Variants in COLGALT2 observed in about 807,000 individuals in gnomAD.
COLGALT2 encodes procollagen galactosyltransferase 2.
Under a neutral mutation model 73.4 loss-of-function variants are expected in COLGALT2, and 49 were observed. The observed-to-expected ratio is 0.67, with a 90% CI of 0.53 to 0.85. The LOEUF is 0.85. Among genes scored for constraint, COLGALT2 ranks in the 40% least tolerant of loss-of-function variants. The pLI is 0.00. For synonymous variants in COLGALT2, 295 were observed against 307.6 expected (o/e 0.96, Z 0.43); for missense variants, 722 against 790.2 (o/e 0.91, Z 1.03).
At chr1:184,018,366 G>A (rs1220614411) in intron 1 of COLGALT2, among the ~76,000 whole-genome samples, 1 of 152,020 alleles carries the variant, frequency 6.6e-6, no homozygotes, top group Non-Finnish European at 1.5e-5. Context: ...GTTGGGGTGG[G>A]GTAGGTGATT....
rs1333282147 is a variant in COLGALT2, at chr1:183,969,191, A to G, written c.832+78T>C. 3.8e-6 allele frequency: 4 copies of G among 1,054,610 alleles called. No individual in the cohort carries two copies. The African/African-American group carries it at 7.3e-5, about 19-fold the overall frequency. The allele number at this position is 1,054,610 out of a possible 1,614,324, so 65.3% of individuals were successfully genotyped here. A position where few individuals can be genotyped will look rare whatever the true frequency, so the allele number is the denominator to read the frequency against. On this transcript the variant is annotated intron_variant, in intron 5 of 11. Coordinates refer to ENST00000361927, the MANE Select transcript of COLGALT2 (RefSeq NM_015101.4). ...CAGACATATGAGGGTTTTTTTTTTT[A>G]ATAAAATGCACAAAACAAAGGAGCT...
intron 1 of COLGALT2, among the ~76,000 whole-genome samples, chr1:184,011,994 A>G (rs1432722464): frequency 6.6e-6 from 1 of 152,212 alleles, no homozygotes; most frequent in African/African-American, 2.4e-5. Context: ...AAAAGGGCAG[A>G]AAAGGAATGA....
chr1:184,006,637 G>A (rs905976421), intron 1 of COLGALT2, among the ~76,000 whole-genome samples: 4 of 151,320 alleles, frequency 2.6e-5, no homozygotes, highest in Admixed American at 6.6e-5. Flanking sequence ...AAGATTATGA[G>A]GGCAAAGGAT....
At position 184,037,242 on chromosome 1, in the gene COLGALT2, C is replaced by A; in HGVS notation, c.116G>T (p.Gly39Val). 1 of 1,584,200 alleles carries A rather than the reference C, an allele frequency of 6.3e-7. No individual in the cohort carries two copies. The highest frequency in any genetic ancestry group is 8.6e-7 in the Non-Finnish European group (1 of 1,167,186). The change falls in exon 1 of 12, where the codon GGA becomes GTA. Residue 39 changes from glycine to valine, a missense_variant. Transcript: ENST00000361927. ...CTCCGGGAAAACCACCGGCTCCTCT[C>A]CGTCGTCCTCCGAGTCCCGCTCGGC... Reference protein sequence around the residue: ...FVAERDSEDDGEEPVVFPESP... With the variant: ...FVAERDSEDDVEEPVVFPESP...
rs1670039362 is a variant in COLGALT2 at position 183,939,026 on chromosome 1, T to C, written c.1616A>G (p.Lys539Arg). Residue 539 changes from lysine to arginine, a missense_variant, in exon 12 of 12, where the codon AAG becomes AGG. By Grantham distance (26) the Lys-to-Arg change is conservative (BLOSUM62 2). Coordinates refer to ENST00000361927, the MANE Select transcript of COLGALT2 (RefSeq NM_015101.4). ...MYNKHPVAEY[K>R]EYYESRDLKA... ...CAGGTCCCTGGATTCATAATACTCC[T>C]TGTACTCGGCTCTGAAAACAAGAAG... 9.9e-6 allele frequency: 16 copies of C among 1,610,696 alleles called. No individual in the cohort carries two copies. The highest frequency in any genetic ancestry group is 1.4e-5 in the Non-Finnish European group (16 of 1,177,126).
chr1:184,008,422 G>T (rs1488983447), intron 1 of COLGALT2, among the ~76,000 whole-genome samples: 1 of 152,208 alleles, frequency 6.6e-6, no homozygotes, highest in African/African-American at 2.4e-5. Context: ...ATGACATGTA[G>T]ATTGTAGATG....
chr1:183,937,274 G>T lies in COLGALT2; in HGVS notation c.*1487C>A. ...ATGAGGAACGGTGCTGGTATGGGATGCCTGGGAGGGTTTTTCTGGAGACAA... is the reference window on the plus strand; with the variant it reads ...ATGAGGAACGGTGCTGGTATGGGATTCCTGGGAGGGTTTTTCTGGAGACAA... On this transcript the variant is annotated 3_prime_UTR_variant, in exon 12 of 12. Transcript: ENST00000361927. 1 of 1,150,902 alleles carries T rather than the reference G, an allele frequency of 8.7e-7. No individual in the cohort carries two copies. Among genetic ancestry groups the T allele is most frequent in the East Asian group, 4.2e-5 (1 of 23,864 alleles). The allele number at this position is 1,150,902 out of a possible 1,614,324, so 71.3% of individuals were successfully genotyped here. A position where few individuals can be genotyped will look rare whatever the true frequency, so the allele number is the denominator to read the frequency against.
intron 1 of COLGALT2, among the ~76,000 whole-genome samples, chr1:183,982,326 A>G (rs868753426): frequency 6.6e-6 from 1 of 152,296 alleles, no homozygotes; most frequent in Middle Eastern, 3.4e-3. Flanking sequence ...GGCTCCACTG[A>G]GTTTGTGATT....
At chr1:183,930,069 G>A (rs1669807009) in exon 12 of COLGALT2, 1 of 356,458 alleles carries the variant, frequency 2.8e-6, no homozygotes, top group Admixed American at 3.5e-5. Flanking sequence ...TTAGACCAAA[G>A]CGACACCTGT....
intron 7 of COLGALT2, among the ~76,000 whole-genome samples, chr1:183,952,484 T>A (rs1424190177): frequency 6.6e-6 from 1 of 152,226 alleles, no homozygotes; most frequent in Non-Finnish European, 1.5e-5. Flanking sequence ...ATGGCCAGAA[T>A]AAAGGAGAAA....
chr1:184,013,353 C>T (rs1952251), intron 1 of COLGALT2, among the ~76,000 whole-genome samples: 51,156 of 151,982 alleles, frequency 0.34, 8,607 homozygotes, highest in South Asian at 0.38. Context: ...GTGGGAGATT[C>T]GGTAAAGCAC....
At chr1:183,951,976 G>A (rs1670414241) in intron 7 of COLGALT2, among the ~76,000 whole-genome samples, 1 of 152,170 alleles carries the variant, frequency 6.6e-6, no homozygotes, top group Non-Finnish European at 1.5e-5. Flanking sequence ...AAAACAGCAT[G>A]GTACTGGCAT....
At chr1:183,944,360 A>G in intron 9 of COLGALT2, 37 bp from the exon 10 acceptor site, 4 of 1,584,488 alleles carry the variant, frequency 2.5e-6, no homozygotes, top group Non-Finnish European at 3.4e-6. Context: ...CCCTATGAAA[A>G]GTTTGAAACC....
chr1:183,978,291 A>T lies in COLGALT2; in HGVS notation c.374+119T>A, dbSNP rs187761179. 115 of 604,580 alleles carry T rather than the reference A, an allele frequency of 1.9e-4. No homozygotes were observed. In the East Asian group the frequency reaches 3.2e-3, roughly 17 times the overall value. The allele number at this position is 604,580 out of a possible 1,614,324, so 37.5% of individuals were successfully genotyped here. A position where few individuals can be genotyped will look rare whatever the true frequency, so the allele number is the denominator to read the frequency against. On this transcript the variant is annotated intron_variant, in intron 2 of 11. Coordinates refer to ENST00000361927, the MANE Select transcript of COLGALT2 (RefSeq NM_015101.4). ...AATGGCAGATATTCAGAACTCACAT[A>T]GCTACAGAAATGAAAGACAATGAAA... is the stretch of plus-strand genomic sequence containing the variant.
intron 1 of COLGALT2, among the ~76,000 whole-genome samples, chr1:184,027,661 C>A (rs1649371038): frequency 1.3e-5 from 2 of 152,118 alleles, no homozygotes; most frequent in South Asian, 2.1e-4. Flanking sequence ...CTGGATTTAT[C>A]CACATAGACA....
At chr1:183,971,967 G>A (rs2102814621) in intron 4 of COLGALT2, among the ~76,000 whole-genome samples, 1 of 152,326 alleles carries the variant, frequency 6.6e-6, no homozygotes, top group Non-Finnish European at 1.5e-5. Context: ...AATTGGCAAT[G>A]CTACCAACTA....
chr1:183,961,099 T>C (rs952802237), intron 6 of COLGALT2, among the ~76,000 whole-genome samples: 6 of 152,212 alleles, frequency 3.9e-5, no homozygotes, highest in African/African-American at 1.4e-4. Context: ...ATTTTATTTT[T>C]CCAACATTTT....
intron 5 of COLGALT2, among the ~76,000 whole-genome samples, chr1:183,968,696 T>A (rs1377206962): frequency 2.0e-5 from 3 of 151,062 alleles, no homozygotes; most frequent in Non-Finnish European, 4.4e-5. Context: ...ACAGGGAGAG[T>A]TCTCCCTGTT....
chr1:183,933,348 C>T (rs1558304477), downstream of COLGALT2, among the ~76,000 whole-genome samples: 2 of 152,214 alleles, frequency 1.3e-5, no homozygotes, highest in African/African-American at 4.8e-5. Context: ...CTGCCTCTTT[C>T]CTCTCCCCTC....
Sources: allele counts gnomAD v4.1 joint callset (sites outside exome capture counted in the v4.1 genomes callset), GRCh38; gene constraint gnomAD v4.1.1; transcripts MANE v1.5; gene names NCBI Gene and HGNC (gene_info 2026-07-23, HGNC 2026-07-21).